EPG5: variants seen among roughly 807,000 people sequenced by gnomAD.
EPG5 encodes the protein ectopic P granules protein 5 homolog.
EPG5 carries 159 observed loss-of-function variants against 302.7 expected under a neutral mutation model. The ratio of observed to expected loss-of-function variants is 0.53; its 90% CI spans 0.46 to 0.60. EPG5 has a LOEUF of 0.60. Ranked by LOEUF, EPG5 falls within the 20% of genes least tolerant of loss-of-function variation. The probability of loss-of-function intolerance (pLI) is 0.00; values close to 1 mark genes in which losing one functional copy is unlikely to be tolerated. For missense variants in EPG5, 2,896 were observed against 3,092.4 expected (o/e 0.94, Z 1.51); for synonymous variants, 1,158 against 1,136.8 (o/e 1.02, Z -0.37).
At chr18:45,917,617 C>G (rs2050061673) in intron 17 of EPG5, 62 bp downstream of exon 17, 4 of 1,581,658 alleles carry the variant, frequency 2.5e-6, no homozygotes, top group Non-Finnish European at 3.5e-6. Flanking sequence ...CCAGAAGACA[C>G]AATCATTTGT....
chr18:45,887,825 A>T lies in EPG5; in HGVS notation c.5035T>A (p.Tyr1679Asn). 6.2e-7 allele frequency: 1 copy of T among 1,605,412 alleles called. No homozygotes were observed. The highest frequency in any genetic ancestry group is 8.5e-7 in the Non-Finnish European group (1 of 1,173,358). The change falls in exon 29 of 44, where the codon TAC (tyrosine) becomes AAC (asparagine). Residue 1679 changes from tyrosine (Y) to asparagine (N), a missense_variant. By Grantham distance (143) the Tyr-to-Asn change is moderately radical (BLOSUM62 -2). This residue lies in a region of EPG5 where 790 missense variants were observed against 798.0 expected (regional missense o/e 0.99). Coordinates refer to ENST00000282041, the MANE Select transcript of EPG5 (RefSeq NM_020964.3). The stretch of plus-strand genomic sequence containing the variant: ...TGACGCTGCGTCTCATCGCTGACGT[A>T]ATCCACAATAGTAAAGAAAAGGCTA... ...GISLFFTIVDYVSDETQRHPP... is the reference protein window; with the variant it reads ...GISLFFTIVDNVSDETQRHPP...
rs753949479 is a variant in EPG5, at chr18:45,879,228, C to A, written c.5668-14G>T. The A allele has an allele frequency of 6.3e-7, 1 of 1,582,206 alleles. No individual in the cohort carries two copies. Among genetic ancestry groups the A allele is most frequent in the Admixed American group, 1.8e-5 (1 of 54,566 alleles). On this transcript the variant is annotated splice_polypyrimidine_tract_variant and intron_variant, in intron 32 of 43. Coordinates refer to ENST00000282041, the MANE Select transcript of EPG5 (RefSeq NM_020964.3). ...AGTCTCCATTACCTGGAAGAGACAA[C>A]TAGTCAAAAAATGCTTACTAAATAT...
At position 45,919,232 on chromosome 18, in the gene EPG5, A is replaced by G. The variant is rs545950901; in HGVS notation, c.3099-1413T>C. Among the ~76,000 whole-genome samples, 21 of 152,296 alleles carry G rather than the reference A, an allele frequency of 1.4e-4. 1 individual carries two copies. The highest frequency in any genetic ancestry group is 1.2e-3 in the Admixed American group (18 of 15,290). The stretch of plus-strand genomic sequence containing the variant: ...CCTAAGATTGTTTTAAGTTACTTCT[A>G]TATTCCAGTACACCTAATCCCAAAT... On this transcript the variant is annotated intron_variant, in intron 16 of 43. Transcript: ENST00000282041.
intron 8 of EPG5, 50 bp from the exon 9 acceptor site, chr18:45,943,361 C>T (rs1379486967): frequency 6.7e-7 from 1 of 1,493,434 alleles, no homozygotes. Flanking sequence ...TATGAAAAAA[C>T]ATGAACGGAT....
At chr18:45,821,492 G>T in the EPG5 span, among the ~76,000 whole-genome samples, 4 of 152,106 alleles carry the variant, frequency 2.6e-5, no homozygotes, top group African/African-American at 9.7e-5. Flanking sequence ...AAAACCCGAA[G>T]CTATAAAACA....
rs568534538 is a variant in EPG5 at position 45,849,959 on chromosome 18, A to G, written c.*2508T>C. ...CAGCATTCTGCCCTTCACTTGTTCTATTAATAGGCAGTGGGACAACATGAT... is the reference window on the plus strand; with the variant it reads ...CAGCATTCTGCCCTTCACTTGTTCTGTTAATAGGCAGTGGGACAACATGAT... On this transcript the variant is annotated 3_prime_UTR_variant, in exon 44 of 44. Coordinates refer to ENST00000282041, the MANE Select transcript of EPG5 (RefSeq NM_020964.3). The G allele has an allele frequency of 2.6e-5, 4 of 152,242 alleles. No individual in the cohort carries two copies. The highest frequency in any genetic ancestry group is 6.5e-5 in the Admixed American group (1 of 15,298). The allele number at this position is 152,242 out of a possible 1,614,324, so 9.4% of individuals were successfully genotyped here.
chr18:45,959,464 G>A lies in EPG5; in HGVS notation c.64-4126C>T, dbSNP rs149076758. 2.1e-3 allele frequency among the ~76,000 whole-genome samples: 316 copies of A among 151,880 alleles called. 1 individual carries two copies. The highest frequency in any genetic ancestry group is 7.2e-3 in the African/African-American group (298 of 41,416). On this transcript the variant is annotated intron_variant, in intron 1 of 43. Transcript: ENST00000282041. Reference sequence around the variant, plus strand: ...GATTGAGACCATCCTGGCCAACATGGTGAAACCCCGTCTCTACTAAAAATA... The same window carrying A: ...GATTGAGACCATCCTGGCCAACATGATGAAACCCCGTCTCTACTAAAAATA...
At chr18:45,913,100 A>C (rs1371396306) in intron 21 of EPG5, among the ~76,000 whole-genome samples, 1 of 152,042 alleles carries the variant, frequency 6.6e-6, no homozygotes, top group Admixed American at 6.6e-5. Flanking sequence ...CAAAAAAAAA[A>C]AAAAGAAAAA....
At chr18:45,882,158 C>G in intron 31 of EPG5, 116 bp downstream of exon 31, 1 of 929,584 alleles carries the variant, frequency 1.1e-6, no homozygotes, top group Non-Finnish European at 1.6e-6. Flanking sequence ...ATTAGTGATT[C>G]TAAACTCCTA....
rs1487711257 is a variant in EPG5, at chr18:45,934,940, T to C, written c.2126A>G (p.Glu709Gly). 6.2e-7 allele frequency: 1 copy of C among 1,613,210 alleles called. No homozygotes were observed. Among genetic ancestry groups the C allele is most frequent in the South Asian group, 1.1e-5 (1 of 90,882 alleles). ...KRLGIWLFMS[E>G]MPFGTLSVQM... is the part of the protein sequence containing the mutation. ...CACAGACAGAGTCCCAAAGGGCATC[T>C]CGGACATAAACAGCCAAATGCCAAG... Residue 709 changes from glutamate (E) to glycine (G), a missense_variant, in exon 11 of 44, where the codon GAG (glutamate) becomes GGG (glycine). Glu to Gly is a moderately conservative substitution (Grantham distance 98, BLOSUM62 -2). Transcript: ENST00000282041.
chr18:45,884,769 C>T lies in EPG5; in HGVS notation c.5152G>A (p.Glu1718Lys). 6.3e-7 allele frequency: 1 copy of T among 1,585,180 alleles called. No homozygotes were observed. The highest frequency in any genetic ancestry group is 8.5e-7 in the Non-Finnish European group (1 of 1,171,122). ...AGCCTGCTGTTCTTCAGAATGGTTT[C>T]AAGTACTTTTCTGCACTCTGATTTA... ...GIKSECRKVL[E>K]TILKNSRLCS... The change falls in exon 30 of 44, where the codon GAA (glutamate) becomes AAA (lysine). Residue 1718 changes from glutamate (E) to lysine (K), a missense_variant. Glu to Lys is a moderately conservative substitution (Grantham distance 56). Around this residue, in one of 5 missense-constraint regions of EPG5, gnomAD observed 790 missense variants for 798.0 expected, o/e 0.99. Transcript: ENST00000282041.
Position 45,887,773 on chromosome 18 carries a change from G to A in EPG5, c.5087C>T (p.Ser1696Leu), listed in dbSNP as rs766622192. 6 of 1,580,252 alleles carry A rather than the reference G, an allele frequency of 3.8e-6. No individual in the cohort carries two copies. In the South Asian group the frequency reaches 4.5e-5, roughly 12 times the overall value. The change falls in exon 29 of 44, where the codon TCA becomes TTA. Residue 1696 changes from serine (S) to leucine (L), a missense_variant. By Grantham distance (145) the Ser-to-Leu change is moderately radical (BLOSUM62 -2). Around this residue, in one of 5 missense-constraint regions of EPG5, gnomAD observed 790 missense variants for 798.0 expected, o/e 0.99. Transcript: ENST00000282041. ...TACCTGTCCCAAGATCTCAATACAT[G>A]AAGTAAAGAACTGCCTTGTTGGGGG... ...RHPPTRQFFT[S>L]CIEILGQVFI... is the part of the protein sequence containing the mutation.
chr18:45,925,610 G>C (rs2050249682), intron 14 of EPG5, 128 bp downstream of exon 14: 1 of 631,304 alleles, frequency 1.6e-6, no homozygotes, highest in South Asian at 5.6e-5. Context: ...CCTAAACTCT[G>C]ACACAGCTAC....
chr18:45,803,020 C>G, the EPG5 span, among the ~76,000 whole-genome samples: 2 of 152,008 alleles, frequency 1.3e-5, no homozygotes, highest in Non-Finnish European at 2.9e-5. Context: ...ATTACTTTCT[C>G]TATAGGAAAA....
intron 35 of EPG5, among the ~76,000 whole-genome samples, chr18:45,871,377 G>A (rs957375526): frequency 6.6e-6 from 1 of 152,198 alleles, no homozygotes. Context: ...ATGGAGGTTC[G>A]TCAAAAAACT....
chr18:45,806,128 C>T, the EPG5 span, among the ~76,000 whole-genome samples: 4 of 152,288 alleles, frequency 2.6e-5, no homozygotes, highest in East Asian at 3.8e-4. Context: ...TTATTATTAG[C>T]GACTTATCTG....
the EPG5 span, among the ~76,000 whole-genome samples, chr18:45,836,251 C>T: frequency 6.6e-5 from 10 of 152,252 alleles, no homozygotes; most frequent in Admixed American, 5.2e-4. Context: ...ATTTTCTCAC[C>T]TTTAATAATA....
chr18:45,867,600 A>G lies in EPG5; in HGVS notation c.6374T>C (p.Ile2125Thr), dbSNP rs1239404850. 2 of 1,613,970 alleles carry G rather than the reference A, an allele frequency of 1.2e-6. No individual in the cohort carries two copies. The highest frequency in any genetic ancestry group is 1.7e-6 in the Non-Finnish European group (2 of 1,180,006). The change falls in exon 37 of 44, where the codon ATT becomes ACT. Residue 2125 changes from isoleucine (I) to threonine (T), a missense_variant. Around this residue, in one of 5 missense-constraint regions of EPG5, gnomAD observed 620 missense variants for 704.2 expected, o/e 0.88. Coordinates refer to ENST00000282041, the MANE Select transcript of EPG5 (RefSeq NM_020964.3). ...CAGTTGAACTTCCTTTGCCAATAAAATCATCATGAAAAGGAGGCAGACAAT... is the reference window on the plus strand; with the variant it reads ...CAGTTGAACTTCCTTTGCCAATAAAGTCATCATGAAAAGGAGGCAGACAAT... ...SMIVCLLFMM[I>T]LLAKEVQLVD...
chr18:45,830,956 A>AT, the EPG5 span, among the ~76,000 whole-genome samples: 4 of 152,032 alleles, frequency 2.6e-5, no homozygotes, highest in African/African-American at 9.7e-5. Context: ...TCCAAGTATC[A>AT]TTTTCAGACA....
Sources: allele counts gnomAD v4.1 joint callset (sites outside exome capture counted in the v4.1 genomes callset), GRCh38; gene constraint gnomAD v4.1.1; regional missense constraint gnomAD v4.1.1; transcripts MANE v1.5; gene names NCBI Gene and HGNC (gene_info 2026-07-23, HGNC 2026-07-21).